JAK1: variants seen among roughly 807,000 people sequenced by gnomAD.
JAK1 encodes the protein tyrosine-protein kinase JAK1.
Under a neutral mutation model 136.6 loss-of-function variants are expected in JAK1, and 16 were observed. That is an observed-to-expected ratio of 0.12 (90% CI 0.08 to 0.18). The LOEUF is 0.18. JAK1 is among the 10% of genes least tolerant of loss of function. The probability of loss-of-function intolerance (pLI) is 1.00; values close to 1 mark genes in which losing one functional copy is unlikely to be tolerated. For missense variants in JAK1, 859 were observed against 1,450.1 expected (o/e 0.59, Z 6.62); for synonymous variants, 492 against 519.5 (o/e 0.95, Z 0.72).
chr1:64,857,133 A>T (rs1655989697), intron 10 of JAK1, among the ~76,000 whole-genome samples: 1 of 152,174 alleles, frequency 6.6e-6, no homozygotes, highest in African/African-American at 2.4e-5. Flanking sequence ...TTCAATCACT[A>T]AAAGACATCT....
chr1:64,947,569 TCCATGAA>T (rs1377543786), intron 1 of JAK1, among the ~76,000 whole-genome samples: 4 of 151,458 alleles, frequency 2.6e-5, no homozygotes, highest in Non-Finnish European at 5.9e-5. Context: ...ATCCTTGGAG[TCCATGAA>T]CCATGGGTCC....
chr1:64,933,954 T>C (rs1557704188), intron 1 of JAK1, among the ~76,000 whole-genome samples: 1 of 152,216 alleles, frequency 6.6e-6, no homozygotes, highest in Non-Finnish European at 1.5e-5. Context: ...ATATGAGCAT[T>C]CTCAAGCAAT....
At chr1:64,923,174 T>C (rs1645525002) in intron 1 of JAK1, among the ~76,000 whole-genome samples, 1 of 152,150 alleles carries the variant, frequency 6.6e-6, no homozygotes, top group African/African-American at 2.4e-5. Context: ...GCTCCATCAA[T>C]TGCAGCCTAC....
intron 2 of JAK1, chr1:64,993,021 G>T (rs1646672302): frequency 6.6e-6 from 1 of 151,986 alleles, no homozygotes; most frequent in Non-Finnish European, 1.5e-5. Context: ...TAACTAGTTG[G>T]CCTTTTCACA....
chr1:64,893,651 A>C (rs945003796), intron 1 of JAK1, among the ~76,000 whole-genome samples: 1 of 152,254 alleles, frequency 6.6e-6, no homozygotes, highest in Non-Finnish European at 1.5e-5. Flanking sequence ...ACCCATTAGG[A>C]AATCAGTTTT....
At chr1:64,950,410 A>T (rs561823397) in intron 1 of JAK1, among the ~76,000 whole-genome samples, 1 of 152,150 alleles carries the variant, frequency 6.6e-6, no homozygotes, top group African/African-American at 2.4e-5. Context: ...CTGTCTCAAA[A>T]AAAAAAAAAA....
At chr1:64,943,031 T>G (rs750092230) in intron 1 of JAK1, among the ~76,000 whole-genome samples, 30 of 152,220 alleles carry the variant, frequency 2.0e-4, no homozygotes, top group Non-Finnish European at 3.4e-4. Context: ...ATTTTTATTA[T>G]TTACAATTAG....
At chr1:64,906,681 T>A (rs1187712186) in intron 1 of JAK1, among the ~76,000 whole-genome samples, 5 of 152,240 alleles carry the variant, frequency 3.3e-5, no homozygotes, top group Non-Finnish European at 5.9e-5. Flanking sequence ...ACAGTTTTGT[T>A]GTATCTGCAG....
upstream of JAK1, among the ~76,000 whole-genome samples, chr1:64,967,060 G>GAAA (rs202230651): frequency 1.0e-3 from 142 of 140,096 alleles, 1 homozygote; most frequent in East Asian, 0.02. Context: ...AGCTCTTTAC[G>GAAA]AAAAAAAAAA....
chr1:65,011,317 A>C (rs1646846928), intron 2 of JAK1, among the ~76,000 whole-genome samples: 1 of 151,940 alleles, frequency 6.6e-6, no homozygotes, highest in Non-Finnish European at 1.5e-5. Flanking sequence ...CTCTACAAAA[A>C]ATGGAAAAAT....
rs751835130 is a variant in JAK1 at position 64,846,686 on chromosome 1, G to A, written c.1950C>T (p.Ile650=). Residue 650 remains isoleucine, a synonymous_variant, in exon 14 of 25, where the codon ATC becomes ATT. Transcript: ENST00000342505. ...SMMRQVSHKH[I]VYLYGVCVRD... The stretch of plus-strand genomic sequence containing the variant: ...GGACACAGACGCCATAGAGGTACAC[G>A]ATGTGTTTGTGGGAGACCTGTCTCA... 2.5e-5 allele frequency: 40 copies of A among 1,613,936 alleles called. No individual in the cohort carries two copies. The highest frequency in any genetic ancestry group is 4.0e-5 in the African/African-American group (3 of 74,896).
chr1:64,839,008 T>C (rs938629452), intron 20 of JAK1, among the ~76,000 whole-genome samples: 22 of 150,554 alleles, frequency 1.5e-4, no homozygotes, highest in South Asian at 1.1e-3. Flanking sequence ...TAGCCGGGCG[T>C]GATGGCGGGC....
intron 2 of JAK1, chr1:64,986,088 C>A: frequency 4.0e-6 from 4 of 1,001,382 alleles, no homozygotes; most frequent in South Asian, 1.3e-5. Flanking sequence ...CTTCTATGTC[C>A]CCCATGGCCT....
At chr1:64,978,714 C>G (rs1475187085) in intron 2 of JAK1, among the ~76,000 whole-genome samples, 1 of 152,150 alleles carries the variant, frequency 6.6e-6, no homozygotes, top group Non-Finnish European at 1.5e-5. Flanking sequence ...GCTTATTCTA[C>G]TCCTGGGATT....
Position 65,052,118 on chromosome 1 carries a change from A to ATTTTTT in JAK1, c.-180-7542_-180-7537dup, listed in dbSNP as rs71056073. Among the ~76,000 whole-genome samples, 170 of 93,568 alleles carry ATTTTTT rather than the reference A, an allele frequency of 1.8e-3. 2 individuals are homozygous for ATTTTTT. Among genetic ancestry groups the ATTTTTT allele is most frequent in the African/African-American group, 5.8e-3 (138 of 23,978 alleles). The allele number at this position is 93,568 out of a possible 152,430, so 61.4% of individuals were successfully genotyped here. A position where few individuals can be genotyped will look rare whatever the true frequency, so the allele number is the denominator to read the frequency against. ...CAAGCATGCACCACCACGCCTGGCT[A>ATTTTTT]TTTTTTTTTTTTTTTTTTTTTTGGT... is the stretch of plus-strand genomic sequence containing the variant. On this transcript the variant is annotated intron_variant, in intron 1 of 25. Coordinates refer to the JAK1 transcript ENST00000671954.
chr1:64,869,209 A>C, intron 6 of JAK1, 102 bp downstream of exon 6: 7 of 1,040,428 alleles, frequency 6.7e-6, no homozygotes, highest in Non-Finnish European at 1.0e-5. Flanking sequence ...ATAGAGAGCA[A>C]AGGTCAGCCA....
At chr1:64,962,952 A>C (rs528283524) in intron 1 of JAK1, among the ~76,000 whole-genome samples, 14 of 152,238 alleles carry the variant, frequency 9.2e-5, no homozygotes, top group African/African-American at 3.4e-4. Context: ...CGTGCCTGTA[A>C]TCCCAGCTAC....
chr1:64,890,680 T>C (rs1052777140), intron 1 of JAK1, among the ~76,000 whole-genome samples: 2 of 152,182 alleles, frequency 1.3e-5, no homozygotes, highest in African/African-American at 4.8e-5. Context: ...TGCAAGAGGC[T>C]ATAGATGTGT....
intron 1 of JAK1, among the ~76,000 whole-genome samples, chr1:65,052,861 C>CA (rs35560095): frequency 0.68 from 60,037 of 88,454 alleles, 20,614 homozygotes; most frequent in Non-Finnish European, 0.74. Flanking sequence ...GACTCCATCT[C>CA]AAAAAAAAAA....
Sources: allele counts gnomAD v4.1 joint callset (sites outside exome capture counted in the v4.1 genomes callset), GRCh38; gene constraint gnomAD v4.1.1; transcripts MANE v1.5; gene names NCBI Gene and HGNC (gene_info 2026-07-23, HGNC 2026-07-21).